Variants in DLC1 observed in about 807,000 individuals in gnomAD.
DLC1 encodes the protein rho GTPase-activating protein 7.
A neutral mutation model predicts 140.3 loss-of-function variants in DLC1; 54 were observed. The observed-to-expected ratio is 0.38, with a 90% confidence interval of 0.31 to 0.48. The LOEUF is 0.48. Among genes scored for constraint, DLC1 ranks in the 20% least tolerant of loss-of-function variants. DLC1 has a pLI of 0.96. For synonymous variants in DLC1, 986 were observed against 728.1 expected (o/e 1.35, Z -5.70); for missense variants, 2,536 against 1,907.0 (o/e 1.33, Z -6.14).
chr8:13,116,586 T>A (rs1049458734), intron 5 of DLC1, among the ~76,000 whole-genome samples: 1 of 152,206 alleles, frequency 6.6e-6, no homozygotes, highest in Non-Finnish European at 1.5e-5. Context: ...TCATTAAGCA[T>A]CTCTCTCAAG....
At chr8:13,086,589 C>G in intron 16 of DLC1, 126 bp from the exon 17 acceptor site, 2 of 1,048,136 alleles carry the variant, frequency 1.9e-6, no homozygotes, top group Admixed American at 2.6e-5. Flanking sequence ...CTGTGTGACC[C>G]AGGCCTAGGT....
chr8:13,321,804 T>C (rs528053786), intron 4 of DLC1, among the ~76,000 whole-genome samples: 65 of 152,300 alleles, frequency 4.3e-4, no homozygotes, highest in African/African-American at 1.5e-3. Flanking sequence ...GCAGGCTGTC[T>C]TGATAATAAT....
intron 5 of DLC1, chr8:13,133,367 G>A (rs2128965053): frequency 1.0e-6 from 1 of 1,004,550 alleles, no homozygotes; most frequent in South Asian, 2.9e-5. Context: ...GGGCGGCACC[G>A]CCTCCTCCCC....
intron 1 of DLC1, among the ~76,000 whole-genome samples, chr8:13,522,017 G>A (rs1019037234): frequency 2.0e-5 from 3 of 152,088 alleles, no homozygotes; most frequent in South Asian, 2.1e-4. Flanking sequence ...AAGGAAAGAC[G>A]GAGAAGGGTA....
At chr8:13,572,101 T>TC in intron 1 of DLC1, among the ~76,000 whole-genome samples, 1 of 147,766 alleles carries the variant, frequency 6.8e-6, no homozygotes, top group East Asian at 1.9e-4. Context: ...ATTTATTTTT[T>TC]TTTTTTGAGA....
At chr8:13,571,674 T>C (rs1804656481) in intron 1 of DLC1, among the ~76,000 whole-genome samples, 1 of 152,234 alleles carries the variant, frequency 6.6e-6, no homozygotes, top group African/African-American at 2.4e-5. Flanking sequence ...AACACTGGCA[T>C]ACAAGTATCT....
intron 5 of DLC1, among the ~76,000 whole-genome samples, chr8:13,275,693 T>G (rs903905687): frequency 6.6e-6 from 1 of 152,230 alleles, no homozygotes; most frequent in Non-Finnish European, 1.5e-5. Flanking sequence ...ATTTGCTTTA[T>G]TATATTTCAA....
intron 5 of DLC1, among the ~76,000 whole-genome samples, chr8:13,228,071 C>T (rs539786789): frequency 2.0e-4 from 30 of 152,120 alleles, no homozygotes; most frequent in African/African-American, 7.2e-4. Flanking sequence ...CTATGTATAT[C>T]AGGGTATCCT....
At chr8:13,403,870 G>T (rs944305757) in intron 2 of DLC1, among the ~76,000 whole-genome samples, 2 of 145,340 alleles carry the variant, frequency 1.4e-5, no homozygotes, top group African/African-American at 5.1e-5. Flanking sequence ...TGTTGCCCAG[G>T]CTGGTCTCAA....
intron 1 of DLC1, among the ~76,000 whole-genome samples, chr8:13,530,662 C>T (rs374313958): frequency 6.6e-6 from 1 of 152,250 alleles, no homozygotes; most frequent in East Asian, 1.9e-4. Flanking sequence ...GTTGTTTCAC[C>T]ACTTGACCTA....
At chr8:13,456,595 A>T (rs1197811289) in intron 2 of DLC1, among the ~76,000 whole-genome samples, 2 of 151,978 alleles carry the variant, frequency 1.3e-5, no homozygotes, top group Non-Finnish European at 1.5e-5. Flanking sequence ...AGTAGCTGGG[A>T]TTATAGGCTT....
chr8:13,370,061 T>C (rs987001144), intron 4 of DLC1, among the ~76,000 whole-genome samples: 17 of 150,940 alleles, frequency 1.1e-4, no homozygotes, highest in African/African-American at 4.1e-4. Flanking sequence ...TTTGCCCTTC[T>C]CCAGGTATGT....
At position 13,122,975 on chromosome 8, in the gene DLC1, G is replaced by A. The variant is rs201919978; in HGVS notation, c.1349-7318C>T. On this transcript the variant is annotated intron_variant, in intron 5 of 17. Transcript: ENST00000276297. Reference sequence around the variant, plus strand: ...TACATTTTCCCTTTCACTATTTATTGATCCAACTAGGCGTACTGCCAGCAG... The same window carrying A: ...TACATTTTCCCTTTCACTATTTATTAATCCAACTAGGCGTACTGCCAGCAG... 3.3e-5 allele frequency among the ~76,000 whole-genome samples: 5 copies of A among 152,098 alleles called. No individual in the cohort carries two copies. The East Asian group carries it at 9.7e-4, about 29-fold the overall frequency.
At chr8:13,200,317 C>T (rs1291212696) in intron 5 of DLC1, among the ~76,000 whole-genome samples, 2 of 152,112 alleles carry the variant, frequency 1.3e-5, no homozygotes, top group Non-Finnish European at 1.5e-5. Flanking sequence ...CCGCCTCGGC[C>T]TCCCAAAGTG....
At chr8:13,323,600 T>C (rs1057472015) in intron 4 of DLC1, among the ~76,000 whole-genome samples, 4 of 152,210 alleles carry the variant, frequency 2.6e-5, no homozygotes, top group South Asian at 2.1e-4. Context: ...GTAGGAACTA[T>C]ATACAGAATA....
intron 1 of DLC1, among the ~76,000 whole-genome samples, chr8:13,532,959 T>A (rs536008522): frequency 7.9e-5 from 12 of 152,334 alleles, no homozygotes; most frequent in Middle Eastern, 6.8e-3. Flanking sequence ...AAATTTTAAT[T>A]ATTTTTTAGT....
chr8:13,299,819 C>T (rs1215836463), intron 5 of DLC1, among the ~76,000 whole-genome samples: 1 of 152,104 alleles, frequency 6.6e-6, no homozygotes, highest in Non-Finnish European at 1.5e-5. Context: ...GTGCAAATGG[C>T]AGCCTAAGTA....
chr8:13,346,710 A>G (rs1201579970), intron 4 of DLC1, among the ~76,000 whole-genome samples: 3 of 152,168 alleles, frequency 2.0e-5, no homozygotes, highest in Non-Finnish European at 4.4e-5. Context: ...GGGCTTGCCA[A>G]TGAAAACCCC....
intron 2 of DLC1, among the ~76,000 whole-genome samples, chr8:13,420,675 G>A (rs921084130): frequency 6.6e-6 from 1 of 152,078 alleles, no homozygotes; most frequent in Non-Finnish European, 1.5e-5. Context: ...CTGTTCCTGA[G>A]TTAGTTTGCT....
Sources: gnomAD v4.1 joint callset for allele counts (sites outside exome capture counted in the v4.1 genomes callset) on GRCh38, gnomAD v4.1.1 for gene constraint, MANE v1.5 for transcripts, NCBI Gene and HGNC (gene_info 2026-07-23, HGNC 2026-07-21) for gene names.